STXBP5L: variants seen among roughly 807,000 people sequenced by gnomAD.
STXBP5L encodes the protein syntaxin binding protein 5L, also known as syntaxin-binding protein 5-like.
Under a neutral mutation model 144.5 loss-of-function variants are expected in STXBP5L, and 65 were observed. The ratio of observed to expected loss-of-function variants is 0.45; its 90% CI spans 0.37 to 0.55. STXBP5L has a LOEUF of 0.55. Ranked by LOEUF, STXBP5L falls within the 20% of genes least tolerant of loss-of-function variation. The pLI, the probability that STXBP5L is intolerant of heterozygous loss-of-function variation, is 0.00. For synonymous variants in STXBP5L, 505 were observed against 469.6 expected (o/e 1.08, Z -0.97); for missense variants, 1,298 against 1,405.5 (o/e 0.92, Z 1.22).
At chr3:120,989,351 G>T (rs73187404) in intron 3 of STXBP5L, among the ~76,000 whole-genome samples, 6,047 of 152,092 alleles carry the variant, frequency 0.04, 167 homozygotes, top group Middle Eastern at 0.082. Flanking sequence ...ATGGTATCTC[G>T]CTGTGGTTTA....
intron 22 of STXBP5L, among the ~76,000 whole-genome samples, chr3:121,398,286 C>T (rs2046783580): frequency 6.6e-6 from 1 of 152,262 alleles, no homozygotes; most frequent in Non-Finnish European, 1.5e-5. Context: ...CAAGGATCCA[C>T]AGACTCCTGT....
chr3:121,174,171 G>C (rs927065680), intron 9 of STXBP5L, among the ~76,000 whole-genome samples: 5 of 152,010 alleles, frequency 3.3e-5, no homozygotes, highest in African/African-American at 1.2e-4. Context: ...GTTTAATACT[G>C]CATCTTTACA....
In STXBP5L at chr3:121,412,514, T is replaced by G. The variant is rs73855385; in HGVS notation, c.2949-644T>G. ...AGCCATTGGATAATACTGAATCTGT[T>G]TCCCTAGTGACTTAGTCTTAGAGCA... On this transcript the variant is annotated intron_variant, in intron 23 of 26. Transcript: ENST00000471454. 7.0e-3 allele frequency among the ~76,000 whole-genome samples: 1,067 copies of G among 152,098 alleles called. 8 individuals carry two copies. The highest frequency in any genetic ancestry group is 0.025 in the African/African-American group (1,031 of 41,500).
At chr3:120,939,643 T>C (rs1471635612) in intron 2 of STXBP5L, among the ~76,000 whole-genome samples, 1 of 152,194 alleles carries the variant, frequency 6.6e-6, no homozygotes, top group East Asian at 1.9e-4. Flanking sequence ...AAATCGTCTT[T>C]AGTAGTTTAA....
intron 5 of STXBP5L, among the ~76,000 whole-genome samples, chr3:121,049,174 C>T (rs982856644): frequency 6.6e-6 from 1 of 152,156 alleles, no homozygotes; most frequent in Non-Finnish European, 1.5e-5. Context: ...TGCTGCTTTT[C>T]TGTAAGGTGG....
chr3:120,991,139 A>ATT (rs1942816916), intron 3 of STXBP5L, among the ~76,000 whole-genome samples: 1 of 150,260 alleles, frequency 6.7e-6, no homozygotes, highest in Non-Finnish European at 1.5e-5. Flanking sequence ...TACAAGAAAC[A>ATT]AACAAACAAC....
chr3:121,331,152 G>A (rs1290921121), intron 20 of STXBP5L, among the ~76,000 whole-genome samples: 2 of 152,208 alleles, frequency 1.3e-5, no homozygotes, highest in African/African-American at 4.8e-5. Flanking sequence ...GAAGAATCCA[G>A]ATGGCAGGTC....
At chr3:121,229,763 A>G (rs2049242513) in intron 11 of STXBP5L, among the ~76,000 whole-genome samples, 1 of 152,048 alleles carries the variant, frequency 6.6e-6, no homozygotes, top group Non-Finnish European at 1.5e-5. Context: ...CTTGTTACCC[A>G]GGGTGGTCTC....
chr3:121,352,612 A>G (rs567520756), intron 20 of STXBP5L, among the ~76,000 whole-genome samples: 28 of 152,102 alleles, frequency 1.8e-4, no homozygotes, highest in Admixed American at 3.9e-4. Flanking sequence ...TAAATATACA[A>G]TCATGTCATC....
At chr3:120,961,427 C>T (rs1290704049) in intron 3 of STXBP5L, among the ~76,000 whole-genome samples, 1 of 152,068 alleles carries the variant, frequency 6.6e-6, no homozygotes, top group Non-Finnish European at 1.5e-5. Flanking sequence ...TCCCCCAGCC[C>T]TCGTCCCCCA....
chr3:120,916,286 G>A (rs1439486746), intron 2 of STXBP5L, among the ~76,000 whole-genome samples: 1 of 151,984 alleles, frequency 6.6e-6, no homozygotes, highest in Non-Finnish European at 1.5e-5. Context: ...TCAGTTAAGT[G>A]TTTTATATTT....
intron 15 of STXBP5L, among the ~76,000 whole-genome samples, chr3:121,253,071 C>G (rs532454360): frequency 3.9e-5 from 6 of 152,206 alleles, no homozygotes; most frequent in African/African-American, 1.2e-4. Flanking sequence ...TCAAAGTCAA[C>G]TAATTAGGGA....
chr3:121,362,802 G>T (rs1041005423), intron 20 of STXBP5L, among the ~76,000 whole-genome samples: 1 of 152,084 alleles, frequency 6.6e-6, no homozygotes, highest in Non-Finnish European at 1.5e-5. Flanking sequence ...CAAGCAGAAG[G>T]AGTTTTGCCC....
chr3:121,018,151 T>C lies in STXBP5L; in HGVS notation c.288-23549T>C, dbSNP rs559610162. ...ATAGCAATATTCAATATTGTCAAGA[T>C]TGAGTTCTTTCCAACTTGATCTATA... On this transcript the variant is annotated intron_variant, in intron 3 of 26. Transcript: ENST00000471454. 1.6e-4 allele frequency among the ~76,000 whole-genome samples: 24 copies of C among 152,280 alleles called. No individual in the cohort carries two copies. The South Asian group carries it at 4.4e-3, about 28-fold the overall frequency.
intron 5 of STXBP5L, among the ~76,000 whole-genome samples, chr3:121,088,677 G>C (rs2042617192): frequency 1.0e-4 from 5 of 48,300 alleles, no homozygotes; most frequent in African/African-American, 4.3e-4. Context: ...CAATAGCAAA[G>C]ACTTGGAACC....
chr3:121,185,308 C>G (rs1577145615), intron 9 of STXBP5L, among the ~76,000 whole-genome samples: 1 of 152,132 alleles, frequency 6.6e-6, no homozygotes, highest in Admixed American at 6.6e-5. Flanking sequence ...TTAATTAGAT[C>G]CCATTTGTCA....
intron 3 of STXBP5L, among the ~76,000 whole-genome samples, chr3:121,030,089 A>G (rs781105049): frequency 6.6e-6 from 1 of 152,200 alleles, no homozygotes; most frequent in Non-Finnish European, 1.5e-5. Flanking sequence ...GGGTGTGTAA[A>G]TTAGTTCAAC....
At chr3:121,143,046 A>T (rs2045571324) in intron 7 of STXBP5L, among the ~76,000 whole-genome samples, 1 of 151,868 alleles carries the variant, frequency 6.6e-6, no homozygotes, top group Admixed American at 6.6e-5. Context: ...AACTGATGCC[A>T]CAGAAATAAG....
At chr3:121,054,453 A>T (rs1948293245) in intron 5 of STXBP5L, among the ~76,000 whole-genome samples, 1 of 152,014 alleles carries the variant, frequency 6.6e-6, no homozygotes, top group Non-Finnish European at 1.5e-5. Context: ...ACATGGATTA[A>T]ACTGGAAACC....
Sources: gnomAD v4.1 joint callset for allele counts (sites outside exome capture counted in the v4.1 genomes callset) on GRCh38, gnomAD v4.1.1 for gene constraint, MANE v1.5 for transcripts, NCBI Gene and HGNC (gene_info 2026-07-23, HGNC 2026-07-21) for gene names.